The following ZBTB17 variants were observed in gnomAD, a reference collection of about 807,000 sequenced individuals.
The protein encoded by ZBTB17 is zinc finger and BTB domain containing 17, also known as zinc finger and BTB domain-containing protein 17.
ZBTB17 carries 24 observed loss-of-function variants against 85.1 expected under a neutral mutation model. The ratio of observed to expected loss-of-function variants is 0.28; its 90% CI spans 0.20 to 0.40. ZBTB17 has a LOEUF of 0.40. Among genes scored for constraint, ZBTB17 ranks in the 10% least tolerant of loss-of-function variants. ZBTB17 has a pLI of 1.00. For missense variants in ZBTB17, 743 were observed against 1,105.1 expected (o/e 0.67, Z 4.65); for synonymous variants, 464 against 460.2 (o/e 1.01, Z -0.11).
At chr1:15,946,810 T>G in intron 4 of ZBTB17, 125 bp downstream of exon 4, 3 of 1,245,234 alleles carry the variant, frequency 2.4e-6, no homozygotes, top group Non-Finnish European at 2.2e-6. Context: ...GGCTAACCCT[T>G]GCCAGCACCC....
intron 9 of ZBTB17, 79 bp from the exon 10 acceptor site, chr1:15,943,974 A>C: frequency 7.4e-7 from 1 of 1,359,658 alleles, no homozygotes; most frequent in Non-Finnish European, 1.0e-6. Flanking sequence ...CCCACAAAGG[A>C]ACAATTGACT....
Position 15,953,505 on chromosome 1 carries a change from G to T in ZBTB17, c.-2-5008C>A, listed in dbSNP as rs916355128. Among the ~76,000 whole-genome samples the T allele has an allele frequency of 2.4e-4, 36 of 152,366 alleles. No homozygotes were observed. Among genetic ancestry groups the T allele is most frequent in the Admixed American group, 4.6e-4 (7 of 15,308 alleles). On this transcript the variant is annotated intron_variant, in intron 2 of 15. Coordinates refer to ENST00000375743, the MANE Select transcript of ZBTB17 (RefSeq NM_003443.3). This position sits in a 1 kb window ranked among gnomAD's most constrained non-coding sequence, Gnocchi z 5.1. Reference sequence around the variant, plus strand: ...AAGAGAGCCGCCAAGGCTCCTGCGGGTGGGATTTGGAAGGGCTGGCCCCAG... The same window carrying T: ...AAGAGAGCCGCCAAGGCTCCTGCGGTTGGGATTTGGAAGGGCTGGCCCCAG...
At chr1:15,971,843 T>G (rs2072699445) in intron 2 of ZBTB17, among the ~76,000 whole-genome samples, 1 of 151,902 alleles carries the variant, frequency 6.6e-6, no homozygotes, top group African/African-American at 2.4e-5. Context: ...CTGTCTGATG[T>G]GTCAGAAGAC....
At position 15,947,321 on chromosome 1, in the gene ZBTB17, T is replaced by G. The variant is rs567033001; in HGVS notation, c.206-198A>C. ...ACTACCAACAGCCCTTGAAAAGAAG[T>G]GCTCGCTGAGGGTCTGAATGCCTGC... On this transcript the variant is annotated intron_variant, in intron 3 of 15. Coordinates refer to ENST00000375743, the MANE Select transcript of ZBTB17 (RefSeq NM_003443.3). The G allele has an allele frequency of 1.4e-4, 85 of 601,228 alleles. 2 individuals carry two copies. In the South Asian group the frequency reaches 1.7e-3, roughly 12 times the overall value. The allele number at this position is 601,228 out of a possible 1,614,324, so 37.2% of individuals were successfully genotyped here.
chr1:15,943,730 A>G lies in ZBTB17; in HGVS notation c.1460-15T>C. 3 of 1,613,018 alleles carry G rather than the reference A, an allele frequency of 1.9e-6. No individual in the cohort carries two copies. Among genetic ancestry groups the G allele is most frequent in the South Asian group, 1.1e-5 (1 of 91,056 alleles). Reference sequence around the variant, plus strand: ...CTTCAGGTTCCCTGTGGCGAGACCGAGGGCGAACCTGGCGTGGGGCACCAC... The same window carrying G: ...CTTCAGGTTCCCTGTGGCGAGACCGGGGGCGAACCTGGCGTGGGGCACCAC... On this transcript the variant is annotated splice_polypyrimidine_tract_variant and intron_variant, in intron 10 of 15. Transcript: ENST00000375743.
rs149942647 is a variant in ZBTB17, at chr1:15,948,337, G to A, written c.159C>T (p.Phe53=). Residue 53 remains phenylalanine, a synonymous_variant, in exon 3 of 16, where the codon TTC becomes TTT. Coordinates refer to ENST00000375743, the MANE Select transcript of ZBTB17 (RefSeq NM_003443.3). ...GGTGCACCACGTCCTTCTGGTCCAC[G>A]AAGAGCATCTTGAAGTACTCGCTGC... The part of the protein sequence containing the change: ...AACSEYFKML[F]VDQKDVVHLD... The A allele has an allele frequency of 3.7e-6, 6 of 1,613,978 alleles. No homozygotes were observed. The highest frequency in any genetic ancestry group is 1.3e-5 in the African/African-American group (1 of 75,066).
Position 15,946,202 on chromosome 1 carries a change from T to C in ZBTB17, c.487A>G (p.Arg163Gly). The C allele has an allele frequency of 6.2e-7, 1 of 1,612,930 alleles. No individual in the cohort carries two copies. Among genetic ancestry groups the C allele is most frequent in the Non-Finnish European group, 8.5e-7 (1 of 1,180,024 alleles). ...CCGCCGCGCTCCTCCTTGAGGTCCC[T>C]GCTGGGGCCTATGGGTGTGCTGCGT... Reference protein sequence around the residue: ...AGRSTPIGPSRDLKEERGGQA... With the variant: ...AGRSTPIGPSGDLKEERGGQA... The change falls in exon 5 of 16, where the codon AGG (arginine) becomes GGG (glycine). Residue 163 changes from arginine (R) to glycine (G), a missense_variant. Around this residue, in one of 4 missense-constraint regions of ZBTB17, gnomAD observed 279 missense variants for 269.9 expected, o/e 1.03. Coordinates refer to ENST00000375743, the MANE Select transcript of ZBTB17 (RefSeq NM_003443.3).
rs549973672 is a variant in ZBTB17, at chr1:15,953,378, CAG to C, written c.-2-4883_-2-4882del. ...TGCCAGACTTGATCCAGTCATGGCA[CAG>C]AGTGTGCTGGCCAAGGCTGGGTTGC... is the stretch of plus-strand genomic sequence containing the variant. On this transcript the variant is annotated intron_variant, in intron 2 of 15. Coordinates refer to ENST00000375743, the MANE Select transcript of ZBTB17 (RefSeq NM_003443.3). The surrounding 1 kb of genome is among the most constrained non-coding windows in gnomAD (Gnocchi z 5.1). Among the ~76,000 whole-genome samples the C allele has an allele frequency of 6.4e-4, 97 of 152,282 alleles. 1 individual carries two copies. The highest frequency in any genetic ancestry group is 2.3e-3 in the African/African-American group (95 of 41,554).
At chr1:15,947,281 C>G (rs1466738930) in intron 3 of ZBTB17, 158 bp from the exon 4 acceptor site, 3 of 720,620 alleles carry the variant, frequency 4.2e-6, no homozygotes, top group Non-Finnish European at 6.7e-6. Context: ...GGCAGGTAAC[C>G]TGGGGGATCT....
chr1:15,972,557 G>A (rs1266014505), intron 2 of ZBTB17, among the ~76,000 whole-genome samples: 1 of 152,222 alleles, frequency 6.6e-6, no homozygotes. Context: ...AGGAATGAGT[G>A]TGTGCTCGCT....
rs907382125 is a variant in ZBTB17 at position 15,966,357 on chromosome 1, T to C, written c.-3+6682A>G. ...CTGGGGTGGGGAGAACAGATTCTAC[T>C]GCCAGACCTTTCAAGACCAGAAGCT... On this transcript the variant is annotated intron_variant, in intron 2 of 15. Coordinates refer to ENST00000375743, the MANE Select transcript of ZBTB17 (RefSeq NM_003443.3). This position sits in a 1 kb window ranked among gnomAD's most constrained non-coding sequence, Gnocchi z 4.1. 6.6e-5 allele frequency among the ~76,000 whole-genome samples: 10 copies of C among 152,106 alleles called. No homozygotes were observed. The highest frequency in any genetic ancestry group is 2.9e-5 in the Non-Finnish European group (2 of 67,998).
intron 2 of ZBTB17, among the ~76,000 whole-genome samples, chr1:15,970,837 G>A (rs542726007): frequency 1.3e-5 from 2 of 152,274 alleles, no homozygotes; most frequent in Admixed American, 6.5e-5. Context: ...GTAAGCCACC[G>A]CGCCCAGCCA....
At chr1:15,967,952 T>G (rs185937148) in intron 2 of ZBTB17, among the ~76,000 whole-genome samples, 1 of 152,104 alleles carries the variant, frequency 6.6e-6, no homozygotes, top group Non-Finnish European at 1.5e-5. Context: ...TAACTGGGGG[T>G]GATTTTGTGC....
intron 2 of ZBTB17, chr1:15,970,238 GA>G: frequency 2.3e-6 from 1 of 441,434 alleles, no homozygotes; most frequent in Admixed American, 3.8e-5. Context: ...ACTTATTTTT[GA>G]AGGGTGAGGA....
chr1:15,957,255 A>G (rs1464154315), intron 2 of ZBTB17, among the ~76,000 whole-genome samples: 1 of 152,114 alleles, frequency 6.6e-6, no homozygotes, highest in East Asian at 1.9e-4. Flanking sequence ...AAAGACCTGA[A>G]TGAGGTTTAA....
Position 15,942,031 on chromosome 1 carries a change from C to T in ZBTB17, c.2350G>A (p.Gly784Ser). The T allele has an allele frequency of 6.2e-7, 1 of 1,610,170 alleles. No individual in the cohort carries two copies. The highest frequency in any genetic ancestry group is 8.5e-7 in the Non-Finnish European group (1 of 1,179,908). The stretch of plus-strand genomic sequence containing the variant: ...GAGGTCTCTGCCAGTGCGGGCTGGC[C>T]CTCAGCCCCGTCGCGAGGGCGGAAG... ...LVFRPRDGAE[G>S]QPALAETSPT... is the part of the protein sequence containing the mutation. The change falls in exon 16 of 16, where the codon GGC becomes AGC. Residue 784 changes from glycine (G) to serine (S), a missense_variant. Around this residue, in one of 4 missense-constraint regions of ZBTB17, gnomAD observed 69 missense variants for 77.0 expected, o/e 0.90. Transcript: ENST00000375743.
At position 15,948,325 on chromosome 1, in the gene ZBTB17, C is replaced by G; in HGVS notation, c.171G>C (p.Lys57Asn). The G allele has an allele frequency of 6.2e-7, 1 of 1,613,946 alleles. No individual in the cohort carries two copies. The highest frequency in any genetic ancestry group is 1.3e-5 in the African/African-American group (1 of 75,078). Residue 57 changes from lysine to asparagine, a missense_variant, in exon 3 of 16, where the codon AAG becomes AAC. Physicochemically the swap from Lys to Asn is moderately conservative, Grantham distance 94. Around this residue, in one of 4 missense-constraint regions of ZBTB17, gnomAD observed 74 missense variants for 142.6 expected, o/e 0.52. Transcript: ENST00000375743. The part of the protein sequence containing the change: ...EYFKMLFVDQ[K>N]DVVHLDISNA... ...TACTGATGTCCAGGTGCACCACGTC[C>G]TTCTGGTCCACGAAGAGCATCTTGA...
chr1:15,965,151 A>G lies in ZBTB17; in HGVS notation c.-3+7888T>C, dbSNP rs1384790866. Among the ~76,000 whole-genome samples the G allele has an allele frequency of 8.5e-5, 13 of 152,234 alleles. No homozygotes were observed. In the East Asian group the frequency reaches 2.3e-3, roughly 27 times the overall value. On this transcript the variant is annotated intron_variant, in intron 2 of 15. Coordinates refer to ENST00000375743, the MANE Select transcript of ZBTB17 (RefSeq NM_003443.3). ...AAAAGAATTTCTGCTCATCAAAAACAAAAAACAATATCCTACAGTGAAAAG... is the reference window on the plus strand; with the variant it reads ...AAAAGAATTTCTGCTCATCAAAAACGAAAAACAATATCCTACAGTGAAAAG...
intron 2 of ZBTB17, among the ~76,000 whole-genome samples, chr1:15,956,011 T>TCCA (rs903227765): frequency 6.6e-6 from 1 of 152,164 alleles, no homozygotes; most frequent in African/African-American, 2.4e-5. Context: ...TGTCCAGGAT[T>TCCA]CCAGCAGCCC....
Sources: gnomAD v4.1 joint callset for allele counts (sites outside exome capture counted in the v4.1 genomes callset) on GRCh38, gnomAD v4.1.1 for gene constraint, gnomAD v4.1.1 regional missense constraint, Gnocchi (gnomAD v3.1) non-coding constraint, MANE v1.5 for transcripts, NCBI Gene and HGNC (gene_info 2026-07-23, HGNC 2026-07-21) for gene names.